RALYL: variants seen among roughly 807,000 people sequenced by gnomAD.
The protein encoded by RALYL is RNA-binding Raly-like protein.
RALYL carries 29 observed loss-of-function variants against 35.1 expected under a neutral mutation model. The observed-to-expected ratio is 0.83, with a 90% CI of 0.61 to 1.13. The LOEUF (loss-of-function observed/expected upper bound fraction) is 1.13, where lower values mean the gene tolerates loss of function less well. RALYL is among the 50% of genes most tolerant of loss of function. RALYL has a pLI of 0.00. For synonymous variants in RALYL, 120 were observed against 127.6 expected, an observed-to-expected ratio of 0.94 and a Z score of 0.40; for missense variants, 359 against 360.4, an observed-to-expected ratio of 1.00 and a Z score of 0.03.
intron 1 of RALYL, among the ~76,000 whole-genome samples, chr8:84,256,269 GT>G (rs1831194954): frequency 6.6e-6 from 1 of 152,042 alleles, no homozygotes; most frequent in East Asian, 1.9e-4. Context: ...ATATATTCAG[GT>G]TTGTCTCTTA....
At chr8:84,401,297 AAT>A (rs2042862885) in intron 1 of RALYL, among the ~76,000 whole-genome samples, 1 of 151,888 alleles carries the variant, frequency 6.6e-6, no homozygotes, top group South Asian at 2.1e-4. Flanking sequence ...ATCTTAACTC[AAT>A]GTTTCAGTGT....
At chr8:84,832,528 G>T (rs1444475536) in intron 4 of RALYL, among the ~76,000 whole-genome samples, 1 of 152,062 alleles carries the variant, frequency 6.6e-6, no homozygotes, top group Non-Finnish European at 1.5e-5. Flanking sequence ...AATATGTAGT[G>T]CAATTTTTCT....
At chr8:84,367,318 A>ATTTGTTTTTGTTTTTGTTTTTTT (rs756622990) in intron 1 of RALYL, among the ~76,000 whole-genome samples, 1 of 27,400 alleles carries the variant, frequency 3.6e-5, no homozygotes, top group Non-Finnish European at 9.9e-5. Context: ...TAATTTTTGT[A>ATTTGTTTTTGTTTTTGTTTTTTT]TTTTTTTTTT....
intron 4 of RALYL, among the ~76,000 whole-genome samples, chr8:84,838,224 T>C (rs1317697769): frequency 1.3e-5 from 2 of 152,172 alleles, no homozygotes; most frequent in Non-Finnish European, 2.9e-5. Flanking sequence ...CACAATGCCA[T>C]CTTTTGGTGG....
At chr8:84,323,054 T>C (rs1365032443) in intron 1 of RALYL, among the ~76,000 whole-genome samples, 1 of 152,016 alleles carries the variant, frequency 6.6e-6, no homozygotes, top group Non-Finnish European at 1.5e-5. Context: ...CTCTCCTAAA[T>C]TGTGAAATAA....
At position 84,607,588 on chromosome 8, in the gene RALYL, C is replaced by T. The variant is rs546097899; in HGVS notation, c.256+78011C>T. Among the ~76,000 whole-genome samples the T allele has an allele frequency of 5.9e-5, 9 of 152,244 alleles. No individual in the cohort carries two copies. The South Asian group carries it at 1.7e-3, about 28-fold the overall frequency. ...AATCCCCAATCAGTGTCTTGCTCCA[C>T]TCTTAACCATTAGGAAACTGCAGAA... On this transcript the variant is annotated intron_variant, in intron 2 of 8. Coordinates refer to ENST00000521268, the MANE Select transcript of RALYL (RefSeq NM_173848.7).
intron 2 of RALYL, among the ~76,000 whole-genome samples, chr8:84,695,612 C>T (rs1421452867): frequency 6.6e-6 from 1 of 151,692 alleles, no homozygotes. Flanking sequence ...TTATCTTTGT[C>T]CCCTTGTATC....
chr8:84,571,671 C>G (rs1244758298), intron 2 of RALYL, among the ~76,000 whole-genome samples: 1 of 151,426 alleles, frequency 6.6e-6, no homozygotes, highest in African/African-American at 2.4e-5. Context: ...TTAATTTGTT[C>G]CTGTTTTTCC....
At chr8:84,377,451 G>GT (rs369746268) in intron 1 of RALYL, among the ~76,000 whole-genome samples, 14,205 of 83,598 alleles carry the variant, frequency 0.17, 1,794 homozygotes, top group African/African-American at 0.3. Flanking sequence ...AAGGTTAACT[G>GT]TTTTTTTTTT....
chr8:84,830,501 C>A (rs936408509), intron 4 of RALYL, among the ~76,000 whole-genome samples: 1 of 152,018 alleles, frequency 6.6e-6, no homozygotes, highest in Non-Finnish European at 1.5e-5. Flanking sequence ...GTCTGGGTTG[C>A]AGCAGGACAA....
chr8:84,542,229 C>T (rs2060067606), intron 2 of RALYL, among the ~76,000 whole-genome samples: 2 of 152,068 alleles, frequency 1.3e-5, no homozygotes, highest in Admixed American at 6.6e-5. Context: ...TTTTTTTATA[C>T]ATCATCCGTT....
chr8:84,536,965 G>A (rs979920101), intron 2 of RALYL, among the ~76,000 whole-genome samples: 4 of 151,588 alleles, frequency 2.6e-5, no homozygotes, highest in Admixed American at 1.3e-4. Context: ...CTAACTAAAC[G>A]TTCAACTCAT....
intron 3 of RALYL, among the ~76,000 whole-genome samples, chr8:84,800,072 A>T (rs912446911): frequency 6.6e-6 from 1 of 152,224 alleles, no homozygotes; most frequent in Non-Finnish European, 1.5e-5. Flanking sequence ...ATAGCCACCT[A>T]TCATAAATAG....
intron 2 of RALYL, among the ~76,000 whole-genome samples, chr8:84,705,557 G>T (rs1023770597): frequency 4.6e-5 from 7 of 152,264 alleles, no homozygotes; most frequent in Admixed American, 3.3e-4. Flanking sequence ...CAGAAGAAAA[G>T]AATTTAGCAG....
At chr8:84,636,768 T>A (rs1327299560) in intron 2 of RALYL, among the ~76,000 whole-genome samples, 1 of 151,874 alleles carries the variant, frequency 6.6e-6, no homozygotes, top group Non-Finnish European at 1.5e-5. Flanking sequence ...GTCATAAAAA[T>A]TTATTACTGG....
chr8:84,298,359 T>C (rs1840155866), intron 1 of RALYL, among the ~76,000 whole-genome samples: 1 of 152,130 alleles, frequency 6.6e-6, no homozygotes, highest in Non-Finnish European at 1.5e-5. Flanking sequence ...TGTGACCTTA[T>C]TTCTGCACTT....
chr8:84,266,779 T>G (rs924263134), intron 1 of RALYL, among the ~76,000 whole-genome samples: 1 of 151,736 alleles, frequency 6.6e-6, no homozygotes, highest in African/African-American at 2.4e-5. Flanking sequence ...GCTAACACGG[T>G]GAAACCCCGT....
intron 1 of RALYL, among the ~76,000 whole-genome samples, chr8:84,348,814 G>T (rs546834689): frequency 7.3e-6 from 1 of 137,582 alleles, no homozygotes; most frequent in Non-Finnish European, 1.6e-5. Context: ...TGGTGTATGT[G>T]TGTAAATTAT....
intron 4 of RALYL, chr8:84,829,106 A>C (rs1325133009): frequency 6.6e-6 from 1 of 152,424 alleles, no homozygotes; most frequent in Non-Finnish European, 1.5e-5. Context: ...CAGAAGGTGA[A>C]GGAGGAACAA....
Sources: allele counts gnomAD v4.1 joint callset (sites outside exome capture counted in the v4.1 genomes callset), GRCh38; gene constraint gnomAD v4.1.1; transcripts MANE v1.5; gene names NCBI Gene and HGNC (gene_info 2026-07-23, HGNC 2026-07-21).